Variants in PPARGC1A observed in about 807,000 individuals in gnomAD.
PPARGC1A encodes the protein peroxisome proliferator-activated receptor gamma coactivator 1-alpha.
PPARGC1A carries 25 observed loss-of-function variants against 88.7 expected under a neutral mutation model. The observed-to-expected ratio is 0.28, with a 90% confidence interval of 0.21 to 0.39. The LOEUF is 0.39. Among genes scored for constraint, PPARGC1A ranks in the 10% least tolerant of loss-of-function variants. The pLI is 1.00. For missense variants in PPARGC1A, 880 were observed against 968.7 expected (o/e 0.91, Z 1.22); for synonymous variants, 363 against 355.6 (o/e 1.02, Z -0.24).
At chr4:23,827,785 G>A (rs1430766774) in intron 5 of PPARGC1A, among the ~76,000 whole-genome samples, 2 of 151,998 alleles carry the variant, frequency 1.3e-5, no homozygotes, top group African/African-American at 4.8e-5. Flanking sequence ...TAAAATCTGT[G>A]AGCATAGCAT....
chr4:24,252,849 T>C, the PPARGC1A span, among the ~76,000 whole-genome samples: 1 of 152,254 alleles, frequency 6.6e-6, no homozygotes, highest in Non-Finnish European at 1.5e-5. Context: ...TCAGAAATTT[T>C]TTTTTCCTTG....
chr4:24,260,398 C>G, the PPARGC1A span, among the ~76,000 whole-genome samples: 5 of 152,206 alleles, frequency 3.3e-5, no homozygotes, highest in Non-Finnish European at 5.9e-5. Context: ...ACTTGGGTCT[C>G]TAAACAGATT....
the PPARGC1A span, among the ~76,000 whole-genome samples, chr4:24,437,414 C>T: frequency 2.0e-5 from 3 of 152,066 alleles, no homozygotes; most frequent in Non-Finnish European, 2.9e-5. Flanking sequence ...GCTGAGGGAA[C>T]GGGGGGTCCT....
chr4:24,035,947 A>C, the PPARGC1A span, among the ~76,000 whole-genome samples: 1 of 152,210 alleles, frequency 6.6e-6, no homozygotes, highest in Non-Finnish European at 1.5e-5. Context: ...TATCCCAGAG[A>C]ATAGCTACGT....
the PPARGC1A span, among the ~76,000 whole-genome samples, chr4:23,990,545 C>T: frequency 6.6e-6 from 1 of 152,018 alleles, no homozygotes; most frequent in Admixed American, 6.6e-5. Flanking sequence ...ATCCGTCTCC[C>T]ATTTTATCAC....
chr4:24,412,520 G>T, the PPARGC1A span, among the ~76,000 whole-genome samples: 2 of 152,062 alleles, frequency 1.3e-5, no homozygotes, highest in South Asian at 4.2e-4. Flanking sequence ...CACTCTTGTT[G>T]CCCATGCTGG....
At chr4:24,423,835 G>A in the PPARGC1A span, among the ~76,000 whole-genome samples, 4 of 152,126 alleles carry the variant, frequency 2.6e-5, no homozygotes, top group East Asian at 1.9e-4. Flanking sequence ...CACTACCAAC[G>A]CTGCCTACAA....
At chr4:24,213,249 T>C in the PPARGC1A span, among the ~76,000 whole-genome samples, 3 of 149,462 alleles carry the variant, frequency 2.0e-5, no homozygotes, top group Non-Finnish European at 3.0e-5. Context: ...TCACTGCAAG[T>C]TCCGCCTCCC....
the PPARGC1A span, among the ~76,000 whole-genome samples, chr4:24,368,478 C>T: frequency 6.6e-6 from 1 of 151,996 alleles, no homozygotes; most frequent in African/African-American, 2.4e-5. Context: ...TTTCTCTTTT[C>T]TATAGATCCT....
the PPARGC1A span, among the ~76,000 whole-genome samples, chr4:24,387,818 A>AAGAAAGAAAGAGAAAGAGAAAGAG: frequency 1.2e-5 from 1 of 81,076 alleles, no homozygotes; most frequent in African/African-American, 4.8e-5. Flanking sequence ...GAAAGAAAGA[A>AAGAAAGAAAGAGAAAGAGAAAGAG]AGAAAGAGAG....
chr4:23,920,381 G>C, the PPARGC1A span, among the ~76,000 whole-genome samples: 1 of 152,054 alleles, frequency 6.6e-6, no homozygotes, highest in Non-Finnish European at 1.5e-5. Context: ...TGAATCCAAG[G>C]TTAATATCTA....
chr4:24,096,158 G>A, the PPARGC1A span, among the ~76,000 whole-genome samples: 2 of 152,178 alleles, frequency 1.3e-5, no homozygotes, highest in South Asian at 2.1e-4. Flanking sequence ...TTCCCTCTTC[G>A]CTTTCTCTCT....
the PPARGC1A span, among the ~76,000 whole-genome samples, chr4:24,303,497 G>A: frequency 6.6e-6 from 1 of 152,150 alleles, no homozygotes; most frequent in African/African-American, 2.4e-5. Flanking sequence ...AGATTCCAAA[G>A]CTAACTACAA....
the PPARGC1A span, among the ~76,000 whole-genome samples, chr4:24,021,578 T>G: frequency 3.3e-5 from 5 of 152,150 alleles, no homozygotes; most frequent in Non-Finnish European, 7.4e-5. Context: ...ACAGTTAGTG[T>G]TAGGAGTAAG....
chr4:24,439,241 G>A, the PPARGC1A span, among the ~76,000 whole-genome samples: 1 of 152,110 alleles, frequency 6.6e-6, no homozygotes, highest in South Asian at 2.1e-4. Flanking sequence ...CAACCCCTAA[G>A]GCTAAACGCA....
the PPARGC1A span, among the ~76,000 whole-genome samples, chr4:24,210,495 A>G: frequency 2.0e-5 from 3 of 152,230 alleles, no homozygotes; most frequent in East Asian, 5.8e-4. Context: ...GAATTTCAAC[A>G]GTGATCTATC....
At chr4:23,941,234 T>G in the PPARGC1A span, among the ~76,000 whole-genome samples, 16 of 152,220 alleles carry the variant, frequency 1.1e-4, no homozygotes, top group African/African-American at 3.9e-4. Context: ...TTAATTTTTG[T>G]TTTTCAGAGA....
At chr4:24,192,672 G>A in the PPARGC1A span, among the ~76,000 whole-genome samples, 1 of 152,182 alleles carries the variant, frequency 6.6e-6, no homozygotes, top group Non-Finnish European at 1.5e-5. Context: ...GCAAATTACT[G>A]TACTTCAATT....
the PPARGC1A span, among the ~76,000 whole-genome samples, chr4:24,092,769 T>C: frequency 6.6e-6 from 1 of 152,310 alleles, no homozygotes; most frequent in East Asian, 1.9e-4. Flanking sequence ...TGCCCCATGC[T>C]CCCAAACTTC....
Sources: allele counts gnomAD v4.1 joint callset (sites outside exome capture counted in the v4.1 genomes callset), GRCh38; gene constraint gnomAD v4.1.1; transcripts MANE v1.5; gene names NCBI Gene and HGNC (gene_info 2026-07-23, HGNC 2026-07-21).